BICD1: variants seen among roughly 807,000 people sequenced by gnomAD.
The protein encoded by BICD1 is BICD cargo adaptor 1, also known as protein bicaudal D homolog 1.
BICD1 carries 35 observed loss-of-function variants against 92.5 expected under a neutral mutation model. The ratio of observed to expected loss-of-function variants is 0.38; its 90% CI spans 0.29 to 0.50. The LOEUF (loss-of-function observed/expected upper bound fraction) is 0.50, where lower values mean the gene tolerates loss of function less well. BICD1 is among the 20% of genes least tolerant of loss of function. BICD1 has a pLI of 0.93. For synonymous variants in BICD1, 429 were observed against 465.1 expected (o/e 0.92, Z 1.00); for missense variants, 950 against 1,189.8 (o/e 0.80, Z 2.97).
chr12:32,174,224 G>GT (rs1944030380), intron 1 of BICD1, among the ~76,000 whole-genome samples: 2 of 152,068 alleles, frequency 1.3e-5, no homozygotes, highest in South Asian at 2.1e-4. Flanking sequence ...AGATGTATCT[G>GT]TTTTTTCCTT....
intron 1 of BICD1, among the ~76,000 whole-genome samples, chr12:32,212,348 C>CT (rs1945240365): frequency 6.6e-6 from 1 of 152,204 alleles, no homozygotes; most frequent in African/African-American, 2.4e-5. Flanking sequence ...AAATGTGAAA[C>CT]TAAGTTTCAC....
intron 2 of BICD1, among the ~76,000 whole-genome samples, chr12:32,223,347 G>A (rs111439704): frequency 0.072 from 10,921 of 152,062 alleles, 441 homozygotes; most frequent in Middle Eastern, 0.12. Context: ...GTGAAACCCC[G>A]TCTCTACTAA....
chr12:32,185,341 A>T (rs1295074425), intron 1 of BICD1, among the ~76,000 whole-genome samples: 1 of 152,264 alleles, frequency 6.6e-6, no homozygotes, highest in Non-Finnish European at 1.5e-5. Flanking sequence ...ATTATACATT[A>T]TTAGTCAGCT....
At chr12:32,148,969 G>A (rs896753007) in intron 1 of BICD1, among the ~76,000 whole-genome samples, 5 of 151,248 alleles carry the variant, frequency 3.3e-5, no homozygotes, top group Admixed American at 2.6e-4. Flanking sequence ...ACAGTGAGCC[G>A]AGATCACGTC....
At chr12:32,108,906 T>C in intron 1 of BICD1, 1 of 459,716 alleles carries the variant, frequency 2.2e-6, no homozygotes, top group Non-Finnish European at 3.9e-6. Context: ...TTTTCCAACT[T>C]AGATTAGGCT....
At chr12:32,155,875 C>T (rs1592387001) in intron 1 of BICD1, among the ~76,000 whole-genome samples, 1 of 152,192 alleles carries the variant, frequency 6.6e-6, no homozygotes, top group East Asian at 1.9e-4. Flanking sequence ...TTTAAATTAG[C>T]TGTCAGGCAA....
intron 1 of BICD1, among the ~76,000 whole-genome samples, chr12:32,173,306 TC>T (rs1944003794): frequency 1.3e-5 from 2 of 152,246 alleles, no homozygotes; most frequent in Non-Finnish European, 1.5e-5. Flanking sequence ...CGCCTCGGCC[TC>T]CCAAAGTGCC....
chr12:32,182,886 CTTTCTTTTTTT>C (rs1245442453), intron 1 of BICD1, among the ~76,000 whole-genome samples: 2 of 80,418 alleles, frequency 2.5e-5, no homozygotes, highest in Non-Finnish European at 2.4e-5. Context: ...TCTTTTCTTT[CTTTCTTTTTTT>C]TTTTTTTTTT....
intron 1 of BICD1, among the ~76,000 whole-genome samples, chr12:32,213,446 A>G (rs946163595): frequency 2.6e-5 from 4 of 152,114 alleles, no homozygotes; most frequent in African/African-American, 9.7e-5. Context: ...CCCTGCCTGG[A>G]GTGCAGTGGC....
rs1287584026 is a variant in BICD1 at position 32,277,063 on chromosome 12, C to CCT, written c.427-16930_427-16929insTC. On this transcript the variant is annotated intron_variant, in intron 2 of 9. Coordinates refer to ENST00000652176, the MANE Select transcript of BICD1 (RefSeq NM_001714.4). The stretch of plus-strand genomic sequence containing the variant: ...TGTAAGTCAATATATGAACCCAGGT[C>CCT]CATGTCCAGAACTGTTTACCACTCA... 2.6e-5 allele frequency among the ~76,000 whole-genome samples: 4 copies of CCT among 152,136 alleles called. No homozygotes were observed. The East Asian group carries it at 7.7e-4, about 29-fold the overall frequency.
intron 4 of BICD1, among the ~76,000 whole-genome samples, chr12:32,322,377 A>G (rs7962680): frequency 0.16 from 24,835 of 151,960 alleles, 2,504 homozygotes; most frequent in East Asian, 0.31. Flanking sequence ...ATGGAAGACA[A>G]TTTTTCCACA....
intron 4 of BICD1, among the ~76,000 whole-genome samples, chr12:32,307,143 T>C (rs1428252666): frequency 6.6e-6 from 1 of 152,200 alleles, no homozygotes; most frequent in African/African-American, 2.4e-5. Context: ...CAAGCAACTG[T>C]GTTTATAGCT....
At chr12:32,301,503 A>G (rs1445117774) in intron 3 of BICD1, among the ~76,000 whole-genome samples, 6 of 152,064 alleles carry the variant, frequency 3.9e-5, no homozygotes, top group African/African-American at 1.4e-4. Context: ...GGCCGAGTGC[A>G]GTGGCTCACG....
intron 1 of BICD1, among the ~76,000 whole-genome samples, chr12:32,110,990 TA>T (rs201282585): frequency 0.1 from 15,515 of 150,686 alleles, 1,058 homozygotes; most frequent in Middle Eastern, 0.21. Flanking sequence ...AGTATAATAA[TA>T]AAAAAAAAGA....
At position 32,318,751 on chromosome 12, in the gene BICD1, G is replaced by A. The variant is rs543166983; in HGVS notation, c.1006-8710G>A. ...TGCCTGTAATCCCAGCTACTTGGGA[G>A]GCTAAGGCAGGAGAATCGCTTGATC... On this transcript the variant is annotated intron_variant, in intron 4 of 9. Coordinates refer to ENST00000652176, the MANE Select transcript of BICD1 (RefSeq NM_001714.4). Among the ~76,000 whole-genome samples, 18 of 152,328 alleles carry A rather than the reference G, an allele frequency of 1.2e-4. No individual in the cohort carries two copies. The East Asian group carries it at 3.5e-3, about 29-fold the overall frequency.
intron 2 of BICD1, among the ~76,000 whole-genome samples, chr12:32,285,234 T>C (rs1947531092): frequency 6.6e-6 from 1 of 152,192 alleles, no homozygotes; most frequent in African/African-American, 2.4e-5. Context: ...TTGCTTAGGC[T>C]TTTGCGTGTG....
chr12:32,145,151 C>G (rs1943065794), intron 1 of BICD1, among the ~76,000 whole-genome samples: 1 of 152,108 alleles, frequency 6.6e-6, no homozygotes, highest in Non-Finnish European at 1.5e-5. Flanking sequence ...ATGTTGTGGT[C>G]TTTGCTTCTG....
intron 1 of BICD1, among the ~76,000 whole-genome samples, chr12:32,198,323 CATCT>C (rs1555145656): frequency 5.3e-4 from 47 of 87,922 alleles, no homozygotes; most frequent in African/African-American, 1.8e-3. Flanking sequence ...GAATAATATG[CATCT>C]ATCTATATAT....
chr12:32,188,269 C>T (rs1944475002), intron 1 of BICD1, among the ~76,000 whole-genome samples: 1 of 152,152 alleles, frequency 6.6e-6, no homozygotes. Flanking sequence ...TACTATTTAA[C>T]TGGGAGTAGA....
Sources: allele counts gnomAD v4.1 joint callset (sites outside exome capture counted in the v4.1 genomes callset), GRCh38; gene constraint gnomAD v4.1.1; transcripts MANE v1.5; gene names NCBI Gene and HGNC (gene_info 2026-07-23, HGNC 2026-07-21).